ATXN7L1: variants seen among roughly 807,000 people sequenced by gnomAD.
ATXN7L1 encodes the protein ataxin 7 like 1.
A neutral mutation model predicts 70.8 loss-of-function variants in ATXN7L1; 15 were observed. The observed-to-expected ratio is 0.21, with a 90% CI of 0.14 to 0.33. ATXN7L1 has a LOEUF of 0.33. Ranked by LOEUF, ATXN7L1 falls within the 10% of genes least tolerant of loss-of-function variation. The pLI, the probability that ATXN7L1 is intolerant of heterozygous loss-of-function variation, is 1.00. For missense variants in ATXN7L1, 975 were observed against 1,097.1 expected (o/e 0.89, Z 1.57); for synonymous variants, 440 against 445.1 (o/e 0.99, Z 0.14).
At chr7:105,802,429 A>G (rs1445211634) in intron 2 of ATXN7L1, among the ~76,000 whole-genome samples, 1 of 152,164 alleles carries the variant, frequency 6.6e-6, no homozygotes, top group Non-Finnish European at 1.5e-5. Flanking sequence ...AAGGAGCCGT[A>G]AGCCCTGCAG....
In ATXN7L1 at chr7:105,876,424, T is replaced by C. The variant is rs762559782; in HGVS notation, c.135A>G (p.Lys45=). 3.1e-6 allele frequency: 5 copies of C among 1,612,446 alleles called. No homozygotes were observed. The Admixed American group carries it at 8.3e-5, about 27-fold the overall frequency. The change falls in exon 1 of 12, where the codon AAA becomes AAG. Residue 45 remains lysine (K), a synonymous_variant. Coordinates refer to ENST00000419735, the MANE Select transcript of ATXN7L1 (RefSeq NM_020725.2). ...CGGCGTCGATCCAGGAGGACCAGGG[T>C]TTGCCCAGAAACGCCTCCGGACTGG... The part of the protein sequence containing the change: ...KVPSPEAFLG[K]PWSSWIDAAK...
At chr7:105,748,541 T>C (rs1453942183) in intron 3 of ATXN7L1, among the ~76,000 whole-genome samples, 1 of 152,160 alleles carries the variant, frequency 6.6e-6, no homozygotes, top group Non-Finnish European at 1.5e-5. Context: ...CCTCGTGAGA[T>C]CTCTGCAGAC....
intron 3 of ATXN7L1, 43 bp downstream of exon 3, chr7:105,788,561 G>C: frequency 6.7e-7 from 1 of 1,486,652 alleles, no homozygotes; most frequent in Non-Finnish European, 9.4e-7. Context: ...TGTCCCCAGG[G>C]CGGCAGCTGC....
rs1056942363 is a variant in ATXN7L1 at position 105,773,785 on chromosome 7, A to G, written c.355+14819T>C. ...AAAGAAACCCCCTAACAACTTAAAA[A>G]GGATGGAACGCAGGATCGTGGTAAC... On this transcript the variant is annotated intron_variant, in intron 3 of 11. Transcript: ENST00000419735. 1.0e-3 allele frequency among the ~76,000 whole-genome samples: 156 copies of G among 152,228 alleles called. 1 individual carries two copies. Among genetic ancestry groups the G allele is most frequent in the African/African-American group, 3.7e-3 (152 of 41,456 alleles).
At chr7:105,796,478 G>A (rs557290358) in intron 2 of ATXN7L1, among the ~76,000 whole-genome samples, 2 of 152,198 alleles carry the variant, frequency 1.3e-5, no homozygotes, top group African/African-American at 4.8e-5. Context: ...AGAGGACCAG[G>A]TGCTATTGAT....
intron 3 of ATXN7L1, among the ~76,000 whole-genome samples, chr7:105,690,651 C>T (rs1304725468): frequency 6.6e-6 from 1 of 152,174 alleles, no homozygotes; most frequent in Non-Finnish European, 1.5e-5. Flanking sequence ...TCTCCCGGAC[C>T]ATTAGACTGG....
In ATXN7L1 at chr7:105,738,315, A is replaced by T. The variant is rs577506609; in HGVS notation, c.355+50289T>A. ...AACTCCCAGCTCTATATGTCATTGT[A>T]TGTCTGTCTTTCTGCCTTTGCCCAT... On this transcript the variant is annotated intron_variant, in intron 3 of 11. Coordinates refer to ENST00000419735, the MANE Select transcript of ATXN7L1 (RefSeq NM_020725.2). Among the ~76,000 whole-genome samples, 25 of 152,222 alleles carry T rather than the reference A, an allele frequency of 1.6e-4. No individual in the cohort carries two copies. The South Asian group carries it at 4.6e-3, about 28-fold the overall frequency.
intron 3 of ATXN7L1, among the ~76,000 whole-genome samples, chr7:105,774,214 G>A (rs1211000190): frequency 6.6e-6 from 1 of 152,114 alleles, no homozygotes; most frequent in Non-Finnish European, 1.5e-5. Flanking sequence ...TTTTCAAAGG[G>A]CCACCATCTA....
intron 3 of ATXN7L1, among the ~76,000 whole-genome samples, chr7:105,745,078 G>A (rs988652867): frequency 2.6e-5 from 4 of 152,108 alleles, no homozygotes; most frequent in African/African-American, 9.7e-5. Context: ...GGCAAAATTT[G>A]AATAAGCTTT....
rs57227370 is a variant in ATXN7L1 at position 105,854,530 on chromosome 7, GAAAA to G, written c.250+21278_250+21281del. On this transcript the variant is annotated intron_variant, in intron 2 of 11. Coordinates refer to ENST00000419735, the MANE Select transcript of ATXN7L1 (RefSeq NM_020725.2). ...AAACAAACCCCAGACCCTTATAGAG[GAAAA>G]AAAAAAAAACACAAAACACAAAAAC... Among the ~76,000 whole-genome samples, 6 of 142,932 alleles carry G rather than the reference GAAAA, an allele frequency of 4.2e-5. No individual in the cohort carries two copies. In the South Asian group the frequency reaches 6.5e-4, roughly 16 times the overall value. The allele number at this position is 142,932 out of a possible 152,430, so 93.8% of individuals were successfully genotyped here. A position where few individuals can be genotyped will look rare whatever the true frequency, so the allele number is the denominator to read the frequency against.
intron 4 of ATXN7L1, among the ~76,000 whole-genome samples, chr7:105,664,809 T>C (rs1448142569): frequency 6.6e-6 from 1 of 151,924 alleles, no homozygotes; most frequent in East Asian, 1.9e-4. Flanking sequence ...TCAGGTGATC[T>C]ACCCACCTCA....
chr7:105,865,044 G>C (rs1396526848), intron 2 of ATXN7L1, among the ~76,000 whole-genome samples: 1 of 151,718 alleles, frequency 6.6e-6, no homozygotes, highest in Non-Finnish European at 1.5e-5. Flanking sequence ...AAAGATGCCT[G>C]GTGAGCCCCG....
chr7:105,703,117 AAAAC>A lies in ATXN7L1; in HGVS notation c.356-37833_356-37830del, dbSNP rs747347852. ...GGCAACAGAGCAAGACTCCGTCTCA[AAAAC>A]AAACAAACAAACAAACAAAAAACCC... On this transcript the variant is annotated intron_variant, in intron 3 of 11. Transcript: ENST00000419735. Among the ~76,000 whole-genome samples, 56 of 152,058 alleles carry A rather than the reference AAAAC, an allele frequency of 3.7e-4. 1 individual carries two copies. Among genetic ancestry groups the A allele is most frequent in the Admixed American group, 1.8e-3 (27 of 15,284 alleles).
At chr7:105,636,299 G>A (rs1279948726) in intron 7 of ATXN7L1, among the ~76,000 whole-genome samples, 1 of 151,952 alleles carries the variant, frequency 6.6e-6, no homozygotes, top group Non-Finnish European at 1.5e-5. Context: ...GGAGGCTGAG[G>A]CAGGAGAATT....
intron 7 of ATXN7L1, among the ~76,000 whole-genome samples, chr7:105,634,042 C>G (rs897015681): frequency 1.3e-5 from 2 of 152,112 alleles, no homozygotes; most frequent in Non-Finnish European, 2.9e-5. Flanking sequence ...GCTTTCAGGA[C>G]CTTTTAGCTC....
rs747593573 is a variant in ATXN7L1 at position 105,684,382 on chromosome 7, C to T, written c.356-19094G>A. On this transcript the variant is annotated intron_variant, in intron 3 of 11. Transcript: ENST00000419735. ...TCCCTGATCTTGGTTCTCTTGGCTCCTCTTGTTCTTCACAGACCATGGAAC... is the reference window on the plus strand; with the variant it reads ...TCCCTGATCTTGGTTCTCTTGGCTCTTCTTGTTCTTCACAGACCATGGAAC... Among the ~76,000 whole-genome samples, 6 of 152,314 alleles carry T rather than the reference C, an allele frequency of 3.9e-5. No homozygotes were observed. In the East Asian group the frequency reaches 9.6e-4, roughly 24 times the overall value.
At chr7:105,836,453 T>G (rs549680864) in intron 2 of ATXN7L1, among the ~76,000 whole-genome samples, 4 of 152,262 alleles carry the variant, frequency 2.6e-5, no homozygotes, top group African/African-American at 9.6e-5. Flanking sequence ...GAAAATGGGA[T>G]GCCAGCATTT....
intron 4 of ATXN7L1, among the ~76,000 whole-genome samples, chr7:105,652,058 C>T (rs905748456): frequency 1.3e-5 from 2 of 152,086 alleles, no homozygotes; most frequent in Admixed American, 6.5e-5. Flanking sequence ...GCTAAGTGTC[C>T]TGACATTCCT....
chr7:105,785,227 A>G (rs551498779), intron 3 of ATXN7L1, among the ~76,000 whole-genome samples: 3 of 152,342 alleles, frequency 2.0e-5, no homozygotes, highest in Admixed American at 2.0e-4. Flanking sequence ...GCACTTTGGG[A>G]GGCCAAGGTA....
Sources: allele counts gnomAD v4.1 joint callset (sites outside exome capture counted in the v4.1 genomes callset), GRCh38; gene constraint gnomAD v4.1.1; transcripts MANE v1.5; gene names NCBI Gene and HGNC (gene_info 2026-07-23, HGNC 2026-07-21).